The following MYO6 variants were observed in gnomAD, a reference collection of about 807,000 sequenced individuals.
MYO6 encodes unconventional myosin-VI.
Under a neutral mutation model 178.7 loss-of-function variants are expected in MYO6, and 74 were observed. That is an observed-to-expected ratio of 0.41 (90% CI 0.34 to 0.50). The LOEUF is 0.50. MYO6 is among the 20% of genes least tolerant of loss of function. MYO6 has a pLI of 0.09. For synonymous variants in MYO6, 477 were observed against 504.6 expected, an observed-to-expected ratio of 0.95 and a Z score of 0.73; for missense variants, 1,330 against 1,547.4, an observed-to-expected ratio of 0.86 and a Z score of 2.36.
Position 75,836,039 on chromosome 6 carries a change from C to T in MYO6, c.553+83C>T, listed in dbSNP as rs939259704. 3 of 929,680 alleles carry T rather than the reference C, an allele frequency of 3.2e-6. No homozygotes were observed. The African/African-American group carries it at 4.9e-5, about 15-fold the overall frequency. The allele number at this position is 929,680 out of a possible 1,614,324, so 57.6% of individuals were successfully genotyped here. ...TTAGTGGTCTGGAATGTTCTTCTCTCAGAGATGCAAAAGACTCTCTTATCT... is the reference window on the plus strand; with the variant it reads ...TTAGTGGTCTGGAATGTTCTTCTCTTAGAGATGCAAAAGACTCTCTTATCT... On this transcript the variant is annotated intron_variant, in intron 7 of 34. Transcript: ENST00000369977.
chr6:75,756,418 C>T lies in MYO6; in HGVS notation c.-48+6995C>T, dbSNP rs1162199272. 2.0e-5 allele frequency among the ~76,000 whole-genome samples: 3 copies of T among 152,032 alleles called. 1 individual carries two copies. The highest frequency in any genetic ancestry group is 2.0e-4 in the Admixed American group (3 of 15,272). On this transcript the variant is annotated intron_variant, in intron 1 of 34. Coordinates refer to ENST00000369977, the MANE Select transcript of MYO6 (RefSeq NM_004999.4). ...TGCAATCTTGGCTCACTGCAACTTC[C>T]GCCTCTCGGGTTCAAGCGATTCCCC...
At chr6:75,780,148 A>G (rs1766810066) in intron 1 of MYO6, among the ~76,000 whole-genome samples, 1 of 152,206 alleles carries the variant, frequency 6.6e-6, no homozygotes, top group South Asian at 2.1e-4. Flanking sequence ...CACACTTTAA[A>G]TATGTGATGT....
intron 11 of MYO6, among the ~76,000 whole-genome samples, chr6:75,852,240 C>A (rs957741353): frequency 6.6e-6 from 1 of 151,606 alleles, no homozygotes; most frequent in Non-Finnish European, 1.5e-5. Context: ...TAATTTTAGG[C>A]AATATGTATA....
At chr6:75,868,862 A>G (rs953370045) in intron 18 of MYO6, among the ~76,000 whole-genome samples, 1 of 152,108 alleles carries the variant, frequency 6.6e-6, no homozygotes, top group Non-Finnish European at 1.5e-5. Flanking sequence ...GTTTTAGAAA[A>G]AGTCATCCTT....
chr6:75,916,659 G>GAT lies in MYO6; in HGVS notation c.*1649_*1650dup, dbSNP rs1482046255. The stretch of plus-strand genomic sequence containing the variant: ...TTTTTATTTGTGTAGGATAGTGAAT[G>GAT]ATAAGCTTTTTTCCTAACCAGTAGT... On this transcript the variant is annotated 3_prime_UTR_variant, in exon 35 of 35. Transcript: ENST00000369977. 6.6e-6 allele frequency: 1 copy of GAT among 152,520 alleles called. No homozygotes were observed. Among genetic ancestry groups the GAT allele is most frequent in the Non-Finnish European group, 1.5e-5 (1 of 68,022 alleles). 9.4% of individuals were successfully genotyped at this position (152,520 alleles called of 1,614,324 possible).
intron 1 of MYO6, among the ~76,000 whole-genome samples, chr6:75,751,649 G>T (rs1451455439): frequency 6.6e-6 from 1 of 152,146 alleles, no homozygotes; most frequent in Non-Finnish European, 1.5e-5. Flanking sequence ...TCTGAGAGAG[G>T]CTGAAGGCTC....
At chr6:75,888,776 A>G (rs1778668914) in intron 25 of MYO6, among the ~76,000 whole-genome samples, 1 of 151,994 alleles carries the variant, frequency 6.6e-6, no homozygotes, top group South Asian at 2.1e-4. Context: ...ATACATTTCA[A>G]TTTCTATCTC....
chr6:75,804,586 G>T (rs1394388537), intron 1 of MYO6, among the ~76,000 whole-genome samples: 1 of 151,914 alleles, frequency 6.6e-6, no homozygotes, highest in East Asian at 1.9e-4. Flanking sequence ...CTAACTGATT[G>T]TTTTCCTATT....
chr6:75,752,688 TG>T (rs1233445075), intron 1 of MYO6, among the ~76,000 whole-genome samples: 6 of 152,256 alleles, frequency 3.9e-5, no homozygotes, highest in Non-Finnish European at 8.8e-5. Flanking sequence ...AATGTAGTTC[TG>T]GAACAAATTT....
chr6:75,896,053 T>G (rs1779277307), intron 29 of MYO6, among the ~76,000 whole-genome samples: 2 of 152,164 alleles, frequency 1.3e-5, no homozygotes, highest in African/African-American at 4.8e-5. Flanking sequence ...ATATACATTT[T>G]GTTTATATAA....
rs537427363 is a variant in MYO6 at position 75,907,504 on chromosome 6, CT to C, written c.3177-100del. ...AACAAAAATTATGTTTTTCTAGTAG[CT>C]GTTTCCGGTTTTCAAACTTATGCAT... On this transcript the variant is annotated intron_variant, in intron 30 of 34. Transcript: ENST00000369977. 1,761 of 853,570 alleles carry C rather than the reference CT, an allele frequency of 2.1e-3. 3 individuals carry two copies. The highest frequency in any genetic ancestry group is 0.011 in the Middle Eastern group (47 of 4,396). 52.9% of individuals were successfully genotyped at this position (853,570 alleles called of 1,614,324 possible).
intron 1 of MYO6, among the ~76,000 whole-genome samples, chr6:75,795,366 C>A (rs969205147): frequency 6.6e-6 from 1 of 152,104 alleles, no homozygotes; most frequent in Non-Finnish European, 1.5e-5. Flanking sequence ...AATAACATTC[C>A]TTTGAGATAT....
intron 29 of MYO6, among the ~76,000 whole-genome samples, chr6:75,898,154 C>T (rs2149387355): frequency 6.6e-6 from 1 of 152,240 alleles, no homozygotes; most frequent in Admixed American, 6.5e-5. Context: ...AATGGAGAGA[C>T]ATTCAAATAA....
intron 1 of MYO6, among the ~76,000 whole-genome samples, chr6:75,811,019 G>GT (rs771589156): frequency 2.9e-3 from 408 of 140,108 alleles, no homozygotes; most frequent in Non-Finnish European, 4.7e-3. Flanking sequence ...AAGCAGTTTT[G>GT]TTTTTTTTTT....
intron 30 of MYO6, among the ~76,000 whole-genome samples, chr6:75,906,371 A>G (rs11961581): frequency 0.016 from 2,479 of 152,272 alleles, 71 homozygotes; most frequent in African/African-American, 0.057. Flanking sequence ...ATGATCTCAA[A>G]TTATATGCAT....
intron 1 of MYO6, among the ~76,000 whole-genome samples, chr6:75,757,873 G>A (rs1777594895): frequency 6.7e-6 from 1 of 148,288 alleles, no homozygotes; most frequent in Non-Finnish European, 1.5e-5. Flanking sequence ...CATTATTATT[G>A]TTGTTACTGT....
At chr6:75,892,508 A>C (rs1436771979) in intron 27 of MYO6, 22 bp from the exon 28 acceptor site, 1 of 1,613,964 alleles carries the variant, frequency 6.2e-7, no homozygotes. Context: ...CTCTTGGTGA[A>C]ATAGCTTTCT....
chr6:75,891,222 TA>T lies in MYO6; in HGVS notation c.2868-5del. The T allele has an allele frequency of 6.3e-7, 1 of 1,588,642 alleles. No individual in the cohort carries two copies. The highest frequency in any genetic ancestry group is 1.7e-5 in the Admixed American group (1 of 59,174). On this transcript the variant is annotated splice_region_variant and splice_polypyrimidine_tract_variant and intron_variant, in intron 26 of 34. Coordinates refer to ENST00000369977, the MANE Select transcript of MYO6 (RefSeq NM_004999.4). ...AATTTTTGAAGAGTTTTCTATTTTT[TA>T]TTAGGAAACTTGAGATGGAAGCAAA...
chr6:75,868,695 C>T (rs1776898773), intron 18 of MYO6, among the ~76,000 whole-genome samples: 1 of 151,912 alleles, frequency 6.6e-6, no homozygotes, highest in Admixed American at 6.6e-5. Flanking sequence ...AGTAGAATAG[C>T]TCATTAAATT....
Sources: allele counts gnomAD v4.1 joint callset (sites outside exome capture counted in the v4.1 genomes callset), GRCh38; gene constraint gnomAD v4.1.1; transcripts MANE v1.5; gene names NCBI Gene and HGNC (gene_info 2026-07-23, HGNC 2026-07-21).